MYT1L: variants seen among roughly 807,000 people sequenced by gnomAD.
The protein encoded by MYT1L is myelin transcription factor 1 like, also known as myelin transcription factor 1-like protein.
Under a neutral mutation model 126.7 loss-of-function variants are expected in MYT1L, and 12 were observed. The observed-to-expected ratio is 0.09, with a 90% CI of 0.06 to 0.15. The LOEUF (loss-of-function observed/expected upper bound fraction) is 0.15. Among genes scored for constraint, MYT1L ranks in the 10% least tolerant of loss-of-function variants. The pLI is 1.00. For synonymous variants in MYT1L, 541 were observed against 604.2 expected, an observed-to-expected ratio of 0.90 and a Z score of 1.53; for missense variants, 979 against 1,585.2, an observed-to-expected ratio of 0.62 and a Z score of 6.49.
chr2:1,799,150 G>A (rs7563788), intron 23 of MYT1L, among the ~76,000 whole-genome samples: 10,467 of 152,240 alleles, frequency 0.069, 407 homozygotes, highest in African/African-American at 0.095. Context: ...CTCATCAGCC[G>A]AGTCAGTGAG....
chr2:2,253,397 A>G (rs2094711091), intron 2 of MYT1L, among the ~76,000 whole-genome samples: 1 of 152,246 alleles, frequency 6.6e-6, no homozygotes, highest in Non-Finnish European at 1.5e-5. Context: ...TTTCTGGATA[A>G]TAGTCCACAC....
At chr2:1,870,045 G>A (rs1415418314) in intron 18 of MYT1L, among the ~76,000 whole-genome samples, 1 of 149,994 alleles carries the variant, frequency 6.7e-6, no homozygotes, top group East Asian at 2.0e-4. Context: ...TTTCAGAGCC[G>A]AGAAGTCGAA....
intron 3 of MYT1L, among the ~76,000 whole-genome samples, chr2:2,113,131 C>G (rs757669245): frequency 1.3e-5 from 2 of 152,162 alleles, no homozygotes; most frequent in Non-Finnish European, 2.9e-5. Flanking sequence ...TGTCTCCCAC[C>G]TCCTGAGTTG....
chr2:2,188,539 A>G (rs1055711151), intron 2 of MYT1L, among the ~76,000 whole-genome samples: 10 of 152,228 alleles, frequency 6.6e-5, no homozygotes. Flanking sequence ...AAAATGGCCT[A>G]GAAAATAAGT....
intron 5 of MYT1L, among the ~76,000 whole-genome samples, chr2:1,980,986 G>C (rs929661305): frequency 1.3e-5 from 2 of 152,154 alleles, no homozygotes; most frequent in Non-Finnish European, 2.9e-5. Context: ...CCATGGTTTA[G>C]AGGAAGAACA....
chr2:1,827,913 C>G (rs1390230039), intron 21 of MYT1L: 1 of 152,280 alleles, frequency 6.6e-6, no homozygotes, highest in East Asian at 1.9e-4. Context: ...GTCCTGAGAT[C>G]AAAACCAGAA....
intron 18 of MYT1L, among the ~76,000 whole-genome samples, chr2:1,857,256 G>A (rs958413169): frequency 9.8e-5 from 15 of 152,306 alleles, no homozygotes; most frequent in Admixed American, 6.5e-4. Flanking sequence ...TGGAAGAGAC[G>A]CACAATCTCT....
intron 21 of MYT1L, chr2:1,809,747 A>T (rs747304319): frequency 6.6e-6 from 1 of 152,610 alleles, no homozygotes; most frequent in Non-Finnish European, 1.5e-5. Context: ...TTCTAGTATC[A>T]GCAGCTATTC....
chr2:1,911,938 G>T, intron 12 of MYT1L, 82 bp downstream of exon 12: 1 of 1,098,368 alleles, frequency 9.1e-7, no homozygotes, highest in Non-Finnish European at 1.3e-6. Context: ...ACCATATGGA[G>T]CGTGGTAGGC....
chr2:2,273,099 C>A (rs1003684798), intron 2 of MYT1L, among the ~76,000 whole-genome samples: 1 of 152,132 alleles, frequency 6.6e-6, no homozygotes, highest in Admixed American at 6.5e-5. Flanking sequence ...TTTGTGTCCA[C>A]ATGCCCCCAG....
In MYT1L at chr2:1,903,177, C is replaced by T. The variant is rs373292623; in HGVS notation, c.1935G>A (p.Ser645=). 101 of 1,613,802 alleles carry T rather than the reference C, an allele frequency of 6.3e-5. No homozygotes were observed. The highest frequency in any genetic ancestry group is 8.1e-5 in the Non-Finnish European group (96 of 1,179,896). The change falls in exon 14 of 25, where the codon TCG becomes TCA. Residue 645 remains serine (S), a synonymous_variant. Transcript: ENST00000647738. ...GGTTGTCGTAACTGTTGTATTCAAA[C>T]GAGGTCTTGGAATATTTCTCGAGCT... ...AKELEKYSKT[S]FEYNSYDNHT...
At chr2:1,878,978 C>CA (rs992765388) in intron 18 of MYT1L, among the ~76,000 whole-genome samples, 21 of 151,928 alleles carry the variant, frequency 1.4e-4, no homozygotes, top group Non-Finnish European at 2.1e-4. Flanking sequence ...TGTAAAAATG[C>CA]AAAAAAACAA....
intron 1 of MYT1L, among the ~76,000 whole-genome samples, chr2:2,295,200 C>T (rs1441036855): frequency 6.6e-6 from 1 of 152,150 alleles, no homozygotes; most frequent in Admixed American, 6.5e-5. Flanking sequence ...AGGATCAGAG[C>T]TCTGTAGCCC....
intron 5 of MYT1L, among the ~76,000 whole-genome samples, chr2:1,983,767 T>A (rs1158256263): frequency 1.3e-5 from 2 of 152,328 alleles, no homozygotes; most frequent in East Asian, 3.9e-4. Flanking sequence ...GAGCTTCACT[T>A]ACTGAACCCG....
At chr2:2,227,141 C>G (rs142858460) in intron 2 of MYT1L, among the ~76,000 whole-genome samples, 1,653 of 152,236 alleles carry the variant, frequency 0.011, 30 homozygotes, top group African/African-American at 0.038. Flanking sequence ...CCTGCTTTTC[C>G]CCTTTTCCCT....
intron 3 of MYT1L, among the ~76,000 whole-genome samples, chr2:2,062,057 T>C (rs1251315693): frequency 6.6e-6 from 1 of 152,178 alleles, no homozygotes; most frequent in East Asian, 1.9e-4. Flanking sequence ...CTTCCACGTC[T>C]CATCTAGGGG....
At chr2:1,909,210 C>T (rs2051531825) in intron 13 of MYT1L, among the ~76,000 whole-genome samples, 1 of 152,128 alleles carries the variant, frequency 6.6e-6, no homozygotes, top group Non-Finnish European at 1.5e-5. Flanking sequence ...CAGCCTTGAC[C>T]TCCTGGGCTC....
chr2:1,980,225 A>T (rs2060501286), intron 5 of MYT1L, among the ~76,000 whole-genome samples: 3 of 147,720 alleles, frequency 2.0e-5, no homozygotes, highest in African/African-American at 7.4e-5. Flanking sequence ...TATATATAAC[A>T]TATATATTTT....
chr2:2,101,689 C>A (rs1052831891), intron 3 of MYT1L, among the ~76,000 whole-genome samples: 4 of 152,066 alleles, frequency 2.6e-5, no homozygotes, highest in African/African-American at 9.7e-5. Flanking sequence ...TTCATCCATT[C>A]ATCCATCCAT....
Sources: allele counts gnomAD v4.1 joint callset (sites outside exome capture counted in the v4.1 genomes callset), GRCh38; gene constraint gnomAD v4.1.1; transcripts MANE v1.5; gene names NCBI Gene and HGNC (gene_info 2026-07-23, HGNC 2026-07-21).